Variants in DYNC2LI1 observed in about 807,000 individuals in gnomAD.
The protein encoded by DYNC2LI1 is cytoplasmic dynein 2 light intermediate chain 1.
In DYNC2LI1, 45 loss-of-function variants were observed where a neutral mutation model predicts 51.9. That is an observed-to-expected ratio of 0.87 (90% confidence interval 0.68 to 1.11). The LOEUF is 1.11. DYNC2LI1 is among the 50% of genes most tolerant of loss of function. DYNC2LI1 has a pLI of 0.00. For missense variants in DYNC2LI1, 490 were observed against 417.4 expected, an observed-to-expected ratio of 1.17 and a Z score of -1.51; for synonymous variants, 130 against 137.8, an observed-to-expected ratio of 0.94 and a Z score of 0.40.
At position 43,809,686 on chromosome 2, in the gene DYNC2LI1, A is replaced by G. The variant is rs534351440; in HGVS notation, c.994-19A>G. On this transcript the variant is annotated intron_variant, in intron 12 of 12. Coordinates refer to ENST00000260605, the MANE Select transcript of DYNC2LI1 (RefSeq NM_016008.4). Reference sequence around the variant, plus strand: ...AGTAAAGTTGATTTTTCTTAAAGTGATACATATTTTTGTTTTAGGAACTGG... The same window carrying G: ...AGTAAAGTTGATTTTTCTTAAAGTGGTACATATTTTTGTTTTAGGAACTGG... 14 of 1,582,302 alleles carry G rather than the reference A, an allele frequency of 8.8e-6. No homozygotes were observed. The highest frequency in any genetic ancestry group is 1.8e-5 in the Admixed American group (1 of 56,842).
the DYNC2LI1 span, among the ~76,000 whole-genome samples, chr2:43,815,530 A>G: frequency 1.3e-5 from 2 of 152,338 alleles, no homozygotes; most frequent in Middle Eastern, 6.8e-3. Context: ...AGGTGTCCTC[A>G]ACCTTTCAGT....
chr2:43,778,843 A>G (rs1238432498), intron 2 of DYNC2LI1, among the ~76,000 whole-genome samples: 1 of 152,056 alleles, frequency 6.6e-6, no homozygotes, highest in East Asian at 1.9e-4. Context: ...CTTTTTCTTG[A>G]TGGCAATATG....
chr2:43,816,063 G>A, the DYNC2LI1 span, among the ~76,000 whole-genome samples: 1 of 152,116 alleles, frequency 6.6e-6, no homozygotes, highest in African/African-American at 2.4e-5. Flanking sequence ...GTTTCTCCCT[G>A]TACCACACAG....
rs111492318 is a variant in DYNC2LI1 at position 43,798,112 on chromosome 2, CA to C, written c.654+1330del. Among the ~76,000 whole-genome samples, 155 of 144,600 alleles carry C rather than the reference CA, an allele frequency of 1.1e-3. 1 individual carries two copies. The highest frequency in any genetic ancestry group is 2.1e-3 in the African/African-American group (84 of 39,582). The allele number at this position is 144,600 out of a possible 152,430, so 94.9% of individuals were successfully genotyped here. ...ACTGCACTCCAGACTGGGCTTGTCT[CA>C]AAAAAAAAAAAATTTCCTTTACATT... On this transcript the variant is annotated intron_variant, in intron 8 of 12. Coordinates refer to ENST00000260605, the MANE Select transcript of DYNC2LI1 (RefSeq NM_016008.4).
chr2:43,795,830 A>G, intron 6 of DYNC2LI1, 60 bp from the exon 7 acceptor site: 1 of 1,302,626 alleles, frequency 7.7e-7, no homozygotes, highest in Non-Finnish European at 1.1e-6. Context: ...GTAAATAGAA[A>G]TTGCTAAGCA....
Position 43,810,005 on chromosome 2 carries a change from C to G in DYNC2LI1, c.*238C>G. ...AATAAAAGAATCTTCTACTACCTAC[C>G]TCTAACATGTTTAAGTGGTATATAC... On this transcript the variant is annotated 3_prime_UTR_variant, in exon 13 of 13. Coordinates refer to ENST00000260605, the MANE Select transcript of DYNC2LI1 (RefSeq NM_016008.4). 1.8e-6 allele frequency: 2 copies of G among 1,130,264 alleles called. No individual in the cohort carries two copies. The highest frequency in any genetic ancestry group is 2.3e-6 in the Non-Finnish European group (2 of 884,566). The allele number at this position is 1,130,264 out of a possible 1,614,324, so 70.0% of individuals were successfully genotyped here.
chr2:43,800,241 A>G (rs1041190052), intron 8 of DYNC2LI1, among the ~76,000 whole-genome samples: 1 of 152,180 alleles, frequency 6.6e-6, no homozygotes, highest in African/African-American at 2.4e-5. Context: ...ATTCTCTGAA[A>G]TGTTCTGGTT....
At chr2:43,814,529 A>G, downstream of DYNC2LI1, 2 of 1,610,110 alleles carry the variant, frequency 1.2e-6, no homozygotes, top group South Asian at 1.1e-5. Flanking sequence ...TCTCACTGCA[A>G]TATTTTTGGA....
At chr2:43,806,281 A>T (rs1435716912) in intron 12 of DYNC2LI1, among the ~76,000 whole-genome samples, 1 of 152,228 alleles carries the variant, frequency 6.6e-6, no homozygotes, top group African/African-American at 2.4e-5. Flanking sequence ...AAACTTATAT[A>T]TGCTAAGCAC....
At chr2:43,799,736 T>C (rs1666011960) in intron 8 of DYNC2LI1, among the ~76,000 whole-genome samples, 1 of 152,236 alleles carries the variant, frequency 6.6e-6, no homozygotes, top group Non-Finnish European at 1.5e-5. Context: ...CAGCCCTATC[T>C]TCTATGAAAT....
At chr2:43,776,760 GT>G (rs755268236) in intron 1 of DYNC2LI1, 21 bp from the exon 2 acceptor site, 1 of 1,241,934 alleles carries the variant, frequency 8.1e-7, no homozygotes, top group Non-Finnish European at 1.1e-6. Flanking sequence ...CCTCAATTTT[GT>G]TTTTTCTGCC....
At chr2:43,825,125 T>G in the DYNC2LI1 span, 1 of 1,363,934 alleles carries the variant, frequency 7.3e-7, no homozygotes, top group Non-Finnish European at 1.0e-6. Flanking sequence ...TTCCTTATGG[T>G]CACCAAGTCC....
At chr2:43,779,562 A>G (rs1365963554) in intron 2 of DYNC2LI1, among the ~76,000 whole-genome samples, 3 of 152,220 alleles carry the variant, frequency 2.0e-5, no homozygotes, top group Admixed American at 6.5e-5. Flanking sequence ...AACAATGACA[A>G]TACCATGAGA....
chr2:43,782,150 G>A (rs1673316981), intron 2 of DYNC2LI1, among the ~76,000 whole-genome samples: 1 of 152,080 alleles, frequency 6.6e-6, no homozygotes, highest in Non-Finnish European at 1.5e-5. Context: ...CATAATAGCT[G>A]TATATTATTC....
chr2:43,813,709 GTTTTTTTTTTT>G (rs1214033245), downstream of DYNC2LI1, among the ~76,000 whole-genome samples: 3 of 34,072 alleles, frequency 8.8e-5, no homozygotes, highest in African/African-American at 1.3e-4. Flanking sequence ...TTTTTTTTTC[GTTTTTTTTTTT>G]TTTTTTTTTT....
At chr2:43,811,299 A>G (rs1199094331), downstream of DYNC2LI1, among the ~76,000 whole-genome samples, 1 of 152,230 alleles carries the variant, frequency 6.6e-6, no homozygotes, top group Non-Finnish European at 1.5e-5. Context: ...ATAAAAATTG[A>G]CAATACTAGT....
intron 7 of DYNC2LI1, 94 bp downstream of exon 7, chr2:43,796,052 A>T: frequency 1.1e-6 from 1 of 922,168 alleles, no homozygotes; most frequent in Non-Finnish European, 1.7e-6. Flanking sequence ...TAAGAAAAAT[A>T]ATTATTGAAG....
At chr2:43,783,965 T>C (rs1050869727) in intron 3 of DYNC2LI1, among the ~76,000 whole-genome samples, 2 of 152,228 alleles carry the variant, frequency 1.3e-5, no homozygotes, top group African/African-American at 4.8e-5. Flanking sequence ...TTTTATCATT[T>C]ATTTTATATA....
chr2:43,811,851 C>T (rs976437345), downstream of DYNC2LI1, among the ~76,000 whole-genome samples: 2 of 152,170 alleles, frequency 1.3e-5, no homozygotes, highest in Non-Finnish European at 2.9e-5. Context: ...GCCTCGGCCT[C>T]CCAAAGTGCT....
Sources: gnomAD v4.1 joint callset for allele counts (sites outside exome capture counted in the v4.1 genomes callset) on GRCh38, gnomAD v4.1.1 for gene constraint, MANE v1.5 for transcripts, NCBI Gene and HGNC (gene_info 2026-07-23, HGNC 2026-07-21) for gene names.